Variants in GREB1L observed in about 807,000 individuals in gnomAD.
GREB1L encodes the protein GREB1 like retinoic acid receptor coactivator.
In GREB1L, 17 loss-of-function variants were observed where a neutral mutation model predicts 200.8. That is an observed-to-expected ratio of 0.08 (90% CI 0.06 to 0.13). The LOEUF is 0.13. Ranked by LOEUF, GREB1L falls within the 10% of genes least tolerant of loss-of-function variation. The probability of loss-of-function intolerance (pLI) is 1.00; values close to 1 mark genes in which losing one functional copy is unlikely to be tolerated. For synonymous variants in GREB1L, 789 were observed against 893.0 expected, an observed-to-expected ratio of 0.88 and a Z score of 2.08; for missense variants, 1,657 against 2,367.7, an observed-to-expected ratio of 0.70 and a Z score of 6.23.
chr18:21,356,276 C>G (rs2039503156), intron 1 of GREB1L, among the ~76,000 whole-genome samples: 1 of 152,090 alleles, frequency 6.6e-6, no homozygotes, highest in Non-Finnish European at 1.5e-5. Context: ...AGCCACAGCA[C>G]CCAGCCTATT....
intron 1 of GREB1L, among the ~76,000 whole-genome samples, chr18:21,274,615 T>C (rs1448957548): frequency 1.3e-5 from 2 of 152,130 alleles, no homozygotes; most frequent in African/African-American, 4.8e-5. Flanking sequence ...AAATACCGGC[T>C]AGGCACAATG....
Position 21,525,754 on chromosome 18 carries a change from T to G in GREB1L, c.*2933T>G, listed in dbSNP as rs1404455554. Among the ~76,000 whole-genome samples the G allele has an allele frequency of 6.6e-6, 1 of 152,238 alleles. No homozygotes were observed. Among genetic ancestry groups the G allele is most frequent in the East Asian group, 1.9e-4 (1 of 5,204 alleles). Reference sequence around the variant, plus strand: ...CTATGTAGTATGAAGATGCTGTTATTGTAGTATGAATTATATCTTCTTAAA... The same window carrying G: ...CTATGTAGTATGAAGATGCTGTTATGGTAGTATGAATTATATCTTCTTAAA... On this transcript the variant is annotated 3_prime_UTR_variant, in exon 33 of 33. Coordinates refer to ENST00000424526, the MANE Select transcript of GREB1L (RefSeq NM_001142966.3).
chr18:21,451,753 T>A (rs2034537541), intron 13 of GREB1L, among the ~76,000 whole-genome samples: 1 of 152,010 alleles, frequency 6.6e-6, no homozygotes, highest in African/African-American at 2.4e-5. Flanking sequence ...GCCTTGGCCT[T>A]CCAAAGTGCT....
At chr18:21,393,863 G>A (rs1458262296) in intron 4 of GREB1L, among the ~76,000 whole-genome samples, 1 of 152,118 alleles carries the variant, frequency 6.6e-6, no homozygotes, top group Non-Finnish European at 1.5e-5. Flanking sequence ...CGCCCGGCCT[G>A]AAATAGCATT....
At chr18:21,482,218 G>A (rs183197301) in intron 17 of GREB1L, among the ~76,000 whole-genome samples, 179 of 152,250 alleles carry the variant, frequency 1.2e-3, no homozygotes, top group African/African-American at 4.2e-3. Context: ...TTTTTGAGGC[G>A]TTCCCTTTAG....
chr18:21,339,920 T>C (rs1042490730), intron 1 of GREB1L, among the ~76,000 whole-genome samples: 4 of 152,226 alleles, frequency 2.6e-5, no homozygotes, highest in African/African-American at 9.6e-5. Flanking sequence ...GTGGACACTT[T>C]ATTGACAAAA....
intron 1 of GREB1L, among the ~76,000 whole-genome samples, chr18:21,312,550 A>T (rs2038808320): frequency 2.7e-5 from 4 of 150,660 alleles, no homozygotes; most frequent in Admixed American, 2.6e-4. Flanking sequence ...TTATTTATTT[A>T]TTTATTTATT....
At chr18:21,430,735 T>C (rs1410393521) in intron 7 of GREB1L, among the ~76,000 whole-genome samples, 1 of 151,404 alleles carries the variant, frequency 6.6e-6, no homozygotes, top group Non-Finnish European at 1.5e-5. Flanking sequence ...TAGATGGGAT[T>C]ACAGGCATGC....
intron 1 of GREB1L, among the ~76,000 whole-genome samples, chr18:21,332,782 G>A (rs2039124823): frequency 6.6e-5 from 10 of 151,978 alleles, no homozygotes; most frequent in Admixed American, 6.6e-4. Flanking sequence ...GCCTACCACT[G>A]TAAAAATTTA....
intron 1 of GREB1L, among the ~76,000 whole-genome samples, chr18:21,350,910 C>T (rs1404598382): frequency 6.6e-6 from 1 of 152,120 alleles, no homozygotes; most frequent in Non-Finnish European, 1.5e-5. Context: ...TACCCCATAC[C>T]CCATATTCCT....
At position 21,508,673 on chromosome 18, in the gene GREB1L, C is replaced by T. The variant is rs760081689; in HGVS notation, c.4735+82C>T. 13 of 1,207,546 alleles carry T rather than the reference C, an allele frequency of 1.1e-5. 1 individual carries two copies. The highest frequency in any genetic ancestry group is 6.5e-5 in the South Asian group (5 of 76,982). 74.8% of individuals were successfully genotyped at this position (1,207,546 alleles called of 1,614,324 possible). A position where few individuals can be genotyped will look rare whatever the true frequency, so the allele number is the denominator to read the frequency against. ...CCCCTGGCATGAAACTTTCAGATTC[C>T]CCTGCCTCTAGAAATTGTCCTGCCC... On this transcript the variant is annotated intron_variant, in intron 27 of 32. Coordinates refer to ENST00000424526, the MANE Select transcript of GREB1L (RefSeq NM_001142966.3).
At chr18:21,514,060 A>G in intron 28 of GREB1L, 74 bp downstream of exon 28, 1 of 1,368,292 alleles carries the variant, frequency 7.3e-7, no homozygotes, top group Non-Finnish European at 9.9e-7. Flanking sequence ...ACAGTTACAT[A>G]CGGAAGTAAG....
intron 5 of GREB1L, 137 bp downstream of exon 5, chr18:21,395,698 C>G (rs981113962): frequency 5.3e-5 from 30 of 565,086 alleles, no homozygotes; most frequent in African/African-American, 3.8e-4. Flanking sequence ...AATTATGAGA[C>G]ATTTTTTCTT....
intron 1 of GREB1L, among the ~76,000 whole-genome samples, chr18:21,296,115 C>G (rs2038523283): frequency 6.6e-6 from 1 of 152,172 alleles, no homozygotes; most frequent in Non-Finnish European, 1.5e-5. Context: ...TACAAAAAGA[C>G]ACATGCCCTC....
intron 31 of GREB1L, among the ~76,000 whole-genome samples, 193 bp downstream of exon 31, chr18:21,518,427 T>C (rs1176663382): frequency 1.3e-5 from 2 of 152,332 alleles, no homozygotes; most frequent in Non-Finnish European, 2.9e-5. Context: ...TACTCACTTA[T>C]GCAAAGGTTC....
intron 1 of GREB1L, among the ~76,000 whole-genome samples, chr18:21,338,969 A>T (rs1346685841): frequency 6.6e-6 from 1 of 152,136 alleles, no homozygotes. Context: ...TGGGCAGATT[A>T]CCTGAGGTCA....
intron 15 of GREB1L, among the ~76,000 whole-genome samples, chr18:21,465,821 A>G (rs1425459989): frequency 6.6e-6 from 1 of 152,156 alleles, no homozygotes; most frequent in African/African-American, 2.4e-5. Flanking sequence ...AAAAATCACA[A>G]TGGAATGAGC....
In GREB1L at chr18:21,516,081, C is replaced by G. The variant is rs1598959611; in HGVS notation, c.5129+437C>G. Among the ~76,000 whole-genome samples, 2 of 152,200 alleles carry G rather than the reference C, an allele frequency of 1.3e-5. 1 individual carries two copies. The highest frequency in any genetic ancestry group is 4.2e-4 in the South Asian group (2 of 4,808). ...AATGTTAGTAGGATTCAGGGAAATC[C>G]TACTGTAGGGAAAAGGCAGCAGATG... On this transcript the variant is annotated intron_variant, in intron 29 of 32. Coordinates refer to ENST00000424526, the MANE Select transcript of GREB1L (RefSeq NM_001142966.3).
intron 2 of GREB1L, among the ~76,000 whole-genome samples, chr18:21,382,273 G>A (rs1598728559): frequency 6.6e-6 from 1 of 151,780 alleles, no homozygotes; most frequent in Admixed American, 6.6e-5. Context: ...CCTGGGAGGC[G>A]GAGGTTGCAC....
Sources: gnomAD v4.1 joint callset for allele counts (sites outside exome capture counted in the v4.1 genomes callset) on GRCh38, gnomAD v4.1.1 for gene constraint, MANE v1.5 for transcripts, NCBI Gene and HGNC (gene_info 2026-07-23, HGNC 2026-07-21) for gene names.